Variants in ROS1 observed in about 807,000 individuals in gnomAD.
The protein encoded by ROS1 is proto-oncogene tyrosine-protein kinase ROS.
In ROS1, 263 loss-of-function variants were observed where a neutral mutation model predicts 273.5. The observed-to-expected ratio is 0.96, with a 90% CI of 0.87 to 1.06. The LOEUF is 1.06. ROS1 is among the 50% of genes least tolerant of loss of function. The pLI, the probability that ROS1 is intolerant of heterozygous loss-of-function variation, is 0.00. For synonymous variants in ROS1, 1,008 were observed against 954.1 expected (o/e 1.06, Z -1.04); for missense variants, 2,833 against 2,751.1 (o/e 1.03, Z -0.67).
intron 7 of ROS1, among the ~76,000 whole-genome samples, chr6:117,398,571 T>C (rs1450965117): frequency 6.8e-6 from 1 of 147,502 alleles, no homozygotes; most frequent in Non-Finnish European, 1.5e-5. Flanking sequence ...CCCAGCTACC[T>C]GGGAGGCTGA....
chr6:117,394,476 T>C, intron 10 of ROS1, 130 bp from the exon 11 acceptor site: 2 of 814,758 alleles, frequency 2.5e-6, no homozygotes, highest in South Asian at 4.3e-5. Context: ...AAAGAAAATA[T>C]TCTTCTAAAT....
In ROS1 at chr6:117,321,378, T is replaced by A. The variant is rs531342025; in HGVS notation, c.5640A>T (p.Leu1880Phe). The part of the protein sequence containing the change: ...IPLTFVWHRR[L>F]KNQKSAKEGV... ...CTTCCTTGGCACTTTTTTGATTCTT[T>A]AATCTTCTATGCCAGACTATAAAGG... The change falls in exon 36 of 44, where the codon TTA (leucine) becomes TTT (phenylalanine). Residue 1880 changes from leucine to phenylalanine, a missense_variant. Transcript: ENST00000368507. The A allele has an allele frequency of 6.2e-7, 1 of 1,612,562 alleles. No individual in the cohort carries two copies. Among genetic ancestry groups the A allele is most frequent in the Admixed American group, 1.7e-5 (1 of 59,664 alleles).
chr6:117,328,603 T>C (rs953874215), intron 33 of ROS1: 1 of 446,616 alleles, frequency 2.2e-6, no homozygotes, highest in Admixed American at 3.1e-5. Flanking sequence ...GCCAGGACTA[T>C]AATTATGGAA....
chr6:117,312,396 A>C (rs1268753193), intron 39 of ROS1, among the ~76,000 whole-genome samples: 7 of 152,020 alleles, frequency 4.6e-5, no homozygotes, highest in Non-Finnish European at 1.0e-4. Flanking sequence ...CACTATTGCC[A>C]TGGTTCTGCT....
At chr6:117,343,810 T>C (rs566736492) in intron 28 of ROS1, among the ~76,000 whole-genome samples, 6 of 152,252 alleles carry the variant, frequency 3.9e-5, no homozygotes, top group Non-Finnish European at 4.4e-5. Flanking sequence ...ACCCAATTCT[T>C]TCTGGACACT....
chr6:117,401,803 TA>T (rs35593860), intron 7 of ROS1, among the ~76,000 whole-genome samples: 478 of 89,148 alleles, frequency 5.4e-3, no homozygotes, highest in Middle Eastern at 0.021. Context: ...AACTTTTCAG[TA>T]AAAAAAAAAA....
At position 117,362,733 on chromosome 6, in the gene ROS1, AT is replaced by A. The variant is rs1562316843; in HGVS notation, c.3235del (p.Ile1079PhefsTer27). ...ACTTTGATTGGATATATTGTAGAAA[AT>A]TTCAAATTTTGTTAACACCCCATTT... Reference protein sequence around the residue: ...HENGVLTKFEIFYNISNQSIT... With the variant: ...HENGVLTKFEXFYNISNQSIT... On this transcript the variant is annotated frameshift_variant, in exon 22 of 44. Coordinates refer to ENST00000368507, the MANE Select transcript of ROS1 (RefSeq NM_001378902.1). LOFTEE classifies it high-confidence loss of function. The A allele has an allele frequency of 6.2e-7, 1 of 1,613,784 alleles. No homozygotes were observed. Among genetic ancestry groups the A allele is most frequent in the Admixed American group, 1.7e-5 (1 of 59,978 alleles).
chr6:117,375,539 A>G (rs1311830583), intron 18 of ROS1, among the ~76,000 whole-genome samples: 1 of 152,206 alleles, frequency 6.6e-6, no homozygotes, highest in Non-Finnish European at 1.5e-5. Context: ...CACACTATCT[A>G]TAGAACCTAC....
At chr6:117,370,027 G>A (rs1780636763) in intron 18 of ROS1, among the ~76,000 whole-genome samples, 1 of 151,798 alleles carries the variant, frequency 6.6e-6, no homozygotes, top group Non-Finnish European at 1.5e-5. Flanking sequence ...GGATATATAT[G>A]GATATATACA....
At position 117,387,880 on chromosome 6, in the gene ROS1, C is replaced by T. The variant is rs190237500; in HGVS notation, c.1899G>A (p.Glu633=). ...CCTTGTATTTCATAGCACTCTGCAG[C>T]TCAGGTACATTCAGCATGGTTCCAC... is the stretch of plus-strand genomic sequence containing the variant. ...NISGTMLNVP[E]LQSAMKYKVS... Residue 633 remains glutamate, a synonymous_variant, in exon 14 of 44, where the codon GAG becomes GAA. Transcript: ENST00000368507. 1.9e-6 allele frequency: 3 copies of T among 1,614,188 alleles called. No homozygotes were observed. In the African/African-American group the frequency reaches 4.0e-5, roughly 22 times the overall value.
In ROS1 at chr6:117,288,342, C is replaced by T. The variant is rs981823856; in HGVS notation, c.*150G>A. The stretch of plus-strand genomic sequence containing the variant: ...GATTGCTACAACTGAAACCAAATGG[C>T]TCTCAGAACCAAGATTAGAAATCAG... On this transcript the variant is annotated 3_prime_UTR_variant, in exon 44 of 44. Transcript: ENST00000368507. The T allele has an allele frequency of 2.3e-5, 17 of 724,500 alleles. No individual in the cohort carries two copies. The highest frequency in any genetic ancestry group is 2.9e-5 in the Non-Finnish European group (13 of 450,304). 44.9% of individuals were successfully genotyped at this position (724,500 alleles called of 1,614,324 possible).
intron 18 of ROS1, among the ~76,000 whole-genome samples, chr6:117,369,444 G>A (rs1360815604): frequency 6.6e-6 from 1 of 152,024 alleles, no homozygotes; most frequent in Non-Finnish European, 1.5e-5. Context: ...CGTGTTGGCG[G>A]GCGCCTGTAG....
chr6:117,343,291 A>G (rs1179038751), intron 28 of ROS1, among the ~76,000 whole-genome samples: 1 of 152,208 alleles, frequency 6.6e-6, no homozygotes, highest in Admixed American at 6.5e-5. Context: ...AGACAAAATT[A>G]AGGAAGGAAT....
At chr6:117,293,041 G>T (rs1773955187) in intron 43 of ROS1, among the ~76,000 whole-genome samples, 2 of 151,990 alleles carry the variant, frequency 1.3e-5, no homozygotes, top group African/African-American at 4.8e-5. Context: ...CTTTCTACAT[G>T]CTGCTTCTTC....
At chr6:117,382,270 G>A (rs578001634) in intron 17 of ROS1, among the ~76,000 whole-genome samples, 55 of 152,096 alleles carry the variant, frequency 3.6e-4, no homozygotes, top group South Asian at 3.5e-3. Context: ...TCTTTTAAAT[G>A]TCTGTGTTAT....
rs536308308 is a variant in ROS1, at chr6:117,335,785, T to C, written c.5230+1387A>G. On this transcript the variant is annotated intron_variant, in intron 32 of 43. Transcript: ENST00000368507. ...CTCACTCATAAGTGGGAGTTGAACA[T>C]TGAGAACACATGGATACAGAGAGGG... Among the ~76,000 whole-genome samples the C allele has an allele frequency of 1.1e-4, 16 of 152,060 alleles. No individual in the cohort carries two copies. The South Asian group carries it at 3.1e-3, about 30-fold the overall frequency.
At chr6:117,414,604 A>T (rs761634112) in intron 3 of ROS1, 59 bp from the exon 4 acceptor site, 5 of 706,106 alleles carry the variant, frequency 7.1e-6, no homozygotes, top group Non-Finnish European at 1.0e-5. Flanking sequence ...AATTTTAGTG[A>T]CACTGAGCTG....
Position 117,420,798 on chromosome 6 carries a change from T to C in ROS1, c.124-2292A>G, listed in dbSNP as rs529908877. Among the ~76,000 whole-genome samples, 34 of 152,150 alleles carry C rather than the reference T, an allele frequency of 2.2e-4. 1 individual carries two copies. In the South Asian group the frequency reaches 5.0e-3, roughly 22 times the overall value. On this transcript the variant is annotated intron_variant, in intron 1 of 43. Coordinates refer to ENST00000368507, the MANE Select transcript of ROS1 (RefSeq NM_001378902.1). ...CAATTAAATGCAATAATTATTATAG[T>C]GCAGTGCAGGCACTTAGAAATGTAT...
chr6:117,382,624 A>G lies in ROS1; in HGVS notation c.2481+693T>C, dbSNP rs144326131. Among the ~76,000 whole-genome samples, 1,288 of 152,260 alleles carry G rather than the reference A, an allele frequency of 8.5e-3. 8 individuals carry two copies. The highest frequency in any genetic ancestry group is 0.013 in the Non-Finnish European group (904 of 67,992). On this transcript the variant is annotated intron_variant, in intron 17 of 43. Coordinates refer to ENST00000368507, the MANE Select transcript of ROS1 (RefSeq NM_001378902.1). Reference sequence around the variant, plus strand: ...TAGATGGATACCTAGTGGGTAGCTAAACAGAATCAACAAAAATAGTTATTG... The same window carrying G: ...TAGATGGATACCTAGTGGGTAGCTAGACAGAATCAACAAAAATAGTTATTG...
Sources: allele counts gnomAD v4.1 joint callset (sites outside exome capture counted in the v4.1 genomes callset), GRCh38; gene constraint gnomAD v4.1.1; transcripts MANE v1.5; gene names NCBI Gene and HGNC (gene_info 2026-07-23, HGNC 2026-07-21).